Variants in CREBBP observed in about 807,000 individuals in gnomAD.
CREBBP encodes CREB binding lysine acetyltransferase.
Under a neutral mutation model 265.0 loss-of-function variants are expected in CREBBP, and 19 were observed. That is an observed-to-expected ratio of 0.07 (90% CI 0.05 to 0.11). The LOEUF (loss-of-function observed/expected upper bound fraction) is 0.11, where lower values mean the gene tolerates loss of function less well. Among genes scored for constraint, CREBBP ranks in the 10% least tolerant of loss-of-function variants. The pLI is 1.00. For synonymous variants in CREBBP, 1,457 were observed against 1,223.7 expected, an observed-to-expected ratio of 1.19 and a Z score of -3.98; for missense variants, 2,525 against 3,219.0, an observed-to-expected ratio of 0.78 and a Z score of 5.22.
intron 15 of CREBBP, among the ~76,000 whole-genome samples, chr16:3,768,424 G>C (rs2052918347): frequency 6.6e-6 from 1 of 152,058 alleles, no homozygotes; most frequent in African/African-American, 2.4e-5. Context: ...TGGGATTACA[G>C]GTGTGAGCCA....
At chr16:3,799,947 A>T (rs193024425) in intron 3 of CREBBP, among the ~76,000 whole-genome samples, 2 of 152,228 alleles carry the variant, frequency 1.3e-5, no homozygotes, top group Non-Finnish European at 2.9e-5. Context: ...TTTGGGGGGA[A>T]ATTCCCGAGA....
intron 21 of CREBBP, among the ~76,000 whole-genome samples, chr16:3,748,104 A>AATACATAC (rs150411875): frequency 0.1 from 15,664 of 150,732 alleles, 2,173 homozygotes; most frequent in African/African-American, 0.31. Flanking sequence ...AATAAAAATA[A>AATACATAC]ATACATACAT....
intron 11 of CREBBP, among the ~76,000 whole-genome samples, chr16:3,775,105 A>T (rs2053105898): frequency 6.6e-6 from 1 of 152,144 alleles, no homozygotes; most frequent in Non-Finnish European, 1.5e-5. Flanking sequence ...GTTTCCAGAG[A>T]CCAGGGCAAG....
At position 3,770,999 on chromosome 16, in the gene CREBBP, G is replaced by A. The variant is rs1356208438; in HGVS notation, c.2464-13C>T. ...CAGGCACCTGTCCCTACCAGAAATG[G>A]ACAGAGTATGGTAAAATTATTTCCC... On this transcript the variant is annotated splice_polypyrimidine_tract_variant and intron_variant, in intron 13 of 30. Transcript: ENST00000262367. The A allele has an allele frequency of 1.9e-6, 3 of 1,612,682 alleles. No individual in the cohort carries two copies. Among genetic ancestry groups the A allele is most frequent in the Non-Finnish European group, 2.5e-6 (3 of 1,179,624 alleles).
intron 10 of CREBBP, 164 bp from the exon 11 acceptor site, chr16:3,777,821 G>T: frequency 9.4e-7 from 1 of 1,066,228 alleles, no homozygotes; most frequent in Non-Finnish European, 1.4e-6. Flanking sequence ...CCTGTAAAGG[G>T]CCTTCCCAAG....
chr16:3,727,949 C>G lies in CREBBP; in HGVS notation c.7098G>C (p.Arg2366=), dbSNP rs587783513. ...GGTGTGGCGAAGGCTGGGGCTGTAT[C>G]CGTGGTGACGGGCTGGAATGTGGAG... The part of the protein sequence containing the change: ...SQPPHSSPSP[R]IQPQPSPHHV... Residue 2366 remains arginine (R), a synonymous_variant, in exon 31 of 31, where the codon CGG becomes CGC. Transcript: ENST00000262367. The G allele has an allele frequency of 3.7e-6, 6 of 1,607,332 alleles. No homozygotes were observed. The South Asian group carries it at 6.6e-5, about 18-fold the overall frequency.
chr16:3,728,690 A>C lies in CREBBP; in HGVS notation c.6357T>G (p.Pro2119=), dbSNP rs1282332373. 1 of 1,613,758 alleles carries C rather than the reference A, an allele frequency of 6.2e-7. No homozygotes were observed. The highest frequency in any genetic ancestry group is 1.3e-5 in the African/African-American group (1 of 74,896). The stretch of plus-strand genomic sequence containing the variant: ...GCATGCCGGGCTGGGACTGGAGGCC[A>C]GGCTGGGGCTGCATGCCGGGCTGAT... ...VANQPGMQPQ[P]GLQSQPGMQP... Residue 2119 remains proline, a synonymous_variant, in exon 31 of 31, where the codon CCT becomes CCG. Transcript: ENST00000262367. The surrounding 1 kb of genome is among the most constrained non-coding windows in gnomAD (Gnocchi z 8.7).
chr16:3,727,730 C>T lies in CREBBP; in HGVS notation c.7317G>A (p.Val2439=), dbSNP rs368649361. The change falls in exon 31 of 31, where the codon GTG becomes GTA. Residue 2439 remains valine, a synonymous_variant. Coordinates refer to ENST00000262367, the MANE Select transcript of CREBBP (RefSeq NM_004380.3). ...DTTGDTLEKF[V]EGL is the part of the protein sequence containing the mutation. ...TGCTCTCACAATGCTACAAGCCCTC[C>T]ACAAACTTCTCTAGCGTGTCCCCCG... The T allele has an allele frequency of 3.0e-5, 48 of 1,614,110 alleles. No homozygotes were observed. The highest frequency in any genetic ancestry group is 3.8e-5 in the Non-Finnish European group (45 of 1,180,030).
intron 2 of CREBBP, among the ~76,000 whole-genome samples, chr16:3,825,365 T>C (rs986977241): frequency 3.3e-5 from 5 of 152,214 alleles, no homozygotes; most frequent in Admixed American, 1.3e-4. Context: ...ATGCGCCATT[T>C]TTTGAAAGCC....
rs748024973 is a variant in CREBBP at position 3,727,721 on chromosome 16, C to T, written c.7326G>A (p.Leu2442=). 1.7e-5 allele frequency: 27 copies of T among 1,614,116 alleles called. No homozygotes were observed. Among genetic ancestry groups the T allele is most frequent in the Admixed American group, 1.2e-4 (7 of 60,020 alleles). ...AAAAGGTGATGCTCTCACAATGCTA[C>T]AAGCCCTCCACAAACTTCTCTAGCG... ...GDTLEKFVEG[L] is the part of the protein sequence containing the mutation. Residue 2442 remains leucine (L), a synonymous_variant, in exon 31 of 31, where the codon TTG becomes TTA. Coordinates refer to ENST00000262367, the MANE Select transcript of CREBBP (RefSeq NM_004380.3).
At chr16:3,851,749 G>C (rs1477942437) in intron 1 of CREBBP, among the ~76,000 whole-genome samples, 1 of 151,256 alleles carries the variant, frequency 6.6e-6, no homozygotes, top group Non-Finnish European at 1.5e-5. Flanking sequence ...AGCTACTCGG[G>C]AGGCTGAGGC....
chr16:3,860,006 T>C (rs2055040445), intron 1 of CREBBP, among the ~76,000 whole-genome samples: 2 of 152,128 alleles, frequency 1.3e-5, no homozygotes, highest in Admixed American at 1.3e-4. Flanking sequence ...AACTTGGGGC[T>C]TGCAAATGGT....
intron 2 of CREBBP, among the ~76,000 whole-genome samples, chr16:3,836,433 C>CAA (rs564007443): frequency 0.043 from 2,328 of 53,760 alleles, 81 homozygotes; most frequent in African/African-American, 0.14. Context: ...GACTGTGTCT[C>CAA]AAAAAAAAAA....
Position 3,827,193 on chromosome 16 carries a change from A to G in CREBBP, c.799-16414T>C, listed in dbSNP as rs79475797. ...AAATTTAAGTCTACTTAAAAAATGA[A>G]AAGAAAAAAAAAAACTATGAAGGAA... On this transcript the variant is annotated intron_variant, in intron 2 of 30. Coordinates refer to ENST00000262367, the MANE Select transcript of CREBBP (RefSeq NM_004380.3). Among the ~76,000 whole-genome samples the G allele has an allele frequency of 7.3e-3, 1,107 of 151,430 alleles. 4 individuals are homozygous for G. The highest frequency in any genetic ancestry group is 0.011 in the Non-Finnish European group (773 of 67,992).
In CREBBP at chr16:3,880,137, C is replaced by CCGG. The variant is rs1555500574; in HGVS notation, c.-224_-222dup. On this transcript the variant is annotated 5_prime_UTR_variant, in exon 1 of 31. Coordinates refer to ENST00000262367, the MANE Select transcript of CREBBP (RefSeq NM_004380.3). ...GCCCCGCAGCGCTCACCGCCCGCCC[C>CCGG]CGGCCGCCGCCGCCGCCGCCGGCCG... 1.3e-5 allele frequency: 2 copies of CCGG among 154,184 alleles called. No homozygotes were observed. Among genetic ancestry groups the CCGG allele is most frequent in the East Asian group, 1.9e-4 (1 of 5,310 alleles). 9.6% of individuals were successfully genotyped at this position (154,184 alleles called of 1,614,324 possible).
rs1299749572 is a variant in CREBBP, at chr16:3,851,288, C to CA, written c.86-280dup. On this transcript the variant is annotated intron_variant, in intron 1 of 30. Transcript: ENST00000262367. ...GGGCAACAAGACCGAAACACCGTCT[C>CA]AAAAAAAAAAAAAAAATTAAAAAAA... is the stretch of plus-strand genomic sequence containing the variant. Among the ~76,000 whole-genome samples the CA allele has an allele frequency of 0.025, 530 of 21,020 alleles. 1 individual carries two copies. Among genetic ancestry groups the CA allele is most frequent in the African/African-American group, 0.031 (186 of 6,056 alleles). The allele number at this position is 21,020 out of a possible 152,430, so 13.8% of individuals were successfully genotyped here. A position where few individuals can be genotyped will look rare whatever the true frequency, so the allele number is the denominator to read the frequency against.
intron 23 of CREBBP, chr16:3,741,722 C>T (rs2052213600): frequency 1.3e-5 from 2 of 151,762 alleles, no homozygotes; most frequent in South Asian, 2.1e-4. Flanking sequence ...AGTGGATCAC[C>T]TGAGGTCAGG....
At chr16:3,826,390 A>G (rs2054237678) in intron 2 of CREBBP, among the ~76,000 whole-genome samples, 1 of 152,182 alleles carries the variant, frequency 6.6e-6, no homozygotes, top group Non-Finnish European at 1.5e-5. Context: ...CCCTATCCTT[A>G]AACATAGTGA....
intron 2 of CREBBP, 113 bp downstream of exon 2, chr16:3,850,184 G>A (rs1228202123): frequency 2.0e-6 from 2 of 1,001,694 alleles, no homozygotes; most frequent in Non-Finnish European, 3.2e-6. Context: ...AGTGGCACGT[G>A]GAGAGCCCAA....
Sources: gnomAD v4.1 joint callset for allele counts (sites outside exome capture counted in the v4.1 genomes callset) on GRCh38, gnomAD v4.1.1 for gene constraint, Gnocchi (gnomAD v3.1) non-coding constraint, MANE v1.5 for transcripts, NCBI Gene and HGNC (gene_info 2026-07-23, HGNC 2026-07-21) for gene names.